FRAS1: variants seen among roughly 807,000 people sequenced by gnomAD.
FRAS1 encodes Fraser extracellular matrix complex subunit 1, also known as extracellular matrix organizing protein FRAS1.
In FRAS1, 290 loss-of-function variants were observed where a neutral mutation model predicts 435.2. The observed-to-expected ratio is 0.67, with a 90% confidence interval of 0.61 to 0.73. The LOEUF (loss-of-function observed/expected upper bound fraction) is 0.73, where lower values mean the gene tolerates loss of function less well. FRAS1 is among the 30% of genes least tolerant of loss of function. The probability of loss-of-function intolerance (pLI) is 0.00; values close to 1 mark genes in which losing one functional copy is unlikely to be tolerated. For missense variants in FRAS1, 4,860 were observed against 5,001.5 expected, an observed-to-expected ratio of 0.97 and a Z score of 0.85; for synonymous variants, 1,800 against 1,851.0, an observed-to-expected ratio of 0.97 and a Z score of 0.71.
At chr4:78,384,805 G>T (rs1166205476) in intron 28 of FRAS1, among the ~76,000 whole-genome samples, 1 of 151,318 alleles carries the variant, frequency 6.6e-6, no homozygotes, top group East Asian at 1.9e-4. Context: ...TACTTGGGGA[G>T]CTGAGGTGGG....
intron 5 of FRAS1, among the ~76,000 whole-genome samples, chr4:78,253,065 G>A (rs866103463): frequency 5.9e-5 from 9 of 152,044 alleles, no homozygotes; most frequent in Admixed American, 1.3e-4. Flanking sequence ...AGTCCTTATC[G>A]CAACCACATA....
intron 22 of FRAS1, among the ~76,000 whole-genome samples, chr4:78,366,867 C>T (rs977358895): frequency 2.0e-5 from 3 of 152,092 alleles, no homozygotes; most frequent in Non-Finnish European, 2.9e-5. Flanking sequence ...ACCCGAGGGA[C>T]GTTGGTACCT....
chr4:78,522,617 A>G, intron 68 of FRAS1, 32 bp from the exon 69 acceptor site: 1 of 1,558,774 alleles, frequency 6.4e-7, no homozygotes, highest in East Asian at 2.3e-5. Context: ...TACCACAAGT[A>G]CATTAAATGC....
intron 2 of FRAS1, among the ~76,000 whole-genome samples, chr4:78,103,313 C>G (rs1467871294): frequency 6.6e-6 from 1 of 152,162 alleles, no homozygotes; most frequent in African/African-American, 2.4e-5. Context: ...TACCTGGAAT[C>G]TCAAGAACTG....
In FRAS1 at chr4:78,137,795, G is replaced by C. The variant is rs190830697; in HGVS notation, c.108+71779G>C. On this transcript the variant is annotated intron_variant, in intron 2 of 73. Coordinates refer to ENST00000512123, the MANE Select transcript of FRAS1 (RefSeq NM_025074.7). The stretch of plus-strand genomic sequence containing the variant: ...CACTGGGTTCTAAGCCTGTCTCTGT[G>C]TCACCTTGGACACATTACTAAGGCT... Among the ~76,000 whole-genome samples the C allele has an allele frequency of 3.3e-5, 5 of 152,320 alleles. No individual in the cohort carries two copies. The East Asian group carries it at 9.6e-4, about 29-fold the overall frequency.
At chr4:78,327,198 C>T (rs892851488) in intron 18 of FRAS1, among the ~76,000 whole-genome samples, 9 of 151,924 alleles carry the variant, frequency 5.9e-5, no homozygotes, top group East Asian at 3.9e-4. Flanking sequence ...CTCCAGCCTG[C>T]GTGCCAGAGC....
At chr4:78,100,943 T>A (rs1231145925) in intron 2 of FRAS1, among the ~76,000 whole-genome samples, 1 of 152,204 alleles carries the variant, frequency 6.6e-6, no homozygotes, top group Non-Finnish European at 1.5e-5. Flanking sequence ...CACCTTATGC[T>A]AGTGCAAGTC....
rs140774781 is a variant in FRAS1, at chr4:78,363,757, T to G, written c.2575+92T>G. The G allele has an allele frequency of 7.2e-4, 1,050 of 1,457,270 alleles. 8 individuals carry two copies. The African/African-American group carries it at 0.012, about 17-fold the overall frequency. The allele number at this position is 1,457,270 out of a possible 1,614,324, so 90.3% of individuals were successfully genotyped here. On this transcript the variant is annotated intron_variant, in intron 21 of 73. Transcript: ENST00000512123. ...AGGATCAACCTTTCCTAAGAGAGAG[T>G]GGAGGCAGGAAGTGTAAACCACTTC...
At chr4:78,181,772 T>G in intron 2 of FRAS1, 2 of 1,610,878 alleles carry the variant, frequency 1.2e-6, no homozygotes, top group Non-Finnish European at 1.7e-6. Flanking sequence ...CGTCTCCTCT[T>G]TCTTGTCAAC....
At chr4:78,463,195 G>C (rs555115983) in intron 47 of FRAS1, among the ~76,000 whole-genome samples, 5 of 152,236 alleles carry the variant, frequency 3.3e-5, no homozygotes, top group African/African-American at 9.6e-5. Flanking sequence ...AAGTTGTTTT[G>C]CTAAATGTTG....
chr4:78,278,737 G>T lies in FRAS1; in HGVS notation c.1064G>T (p.Gly355Val). The T allele has an allele frequency of 6.4e-7, 1 of 1,563,142 alleles. No individual in the cohort carries two copies. The highest frequency in any genetic ancestry group is 1.1e-5 in the South Asian group (1 of 88,994). The change falls in exon 10 of 74, where the codon GGA becomes GTA. Residue 355 changes from glycine to valine, a missense_variant. Transcript: ENST00000512123. Reference protein sequence around the residue: ...RNGYCVYEETGEFMSSNASEV... With the variant: ...RNGYCVYEETVEFMSSNASEV... ...GGTTATTGTGTTTATGAAGAAACTG[G>T]AGAATTTGTGAGTATCAGGCTTATA... is the stretch of plus-strand genomic sequence containing the variant.
At chr4:78,420,894 A>ATATATATG (rs1733756982) in intron 33 of FRAS1, among the ~76,000 whole-genome samples, 1 of 51,428 alleles carries the variant, frequency 1.9e-5, no homozygotes, top group African/African-American at 5.4e-5. Flanking sequence ...ATATATATAT[A>ATATATATG]TATATATATA....
At chr4:78,416,167 T>C (rs1343046943) in intron 32 of FRAS1, among the ~76,000 whole-genome samples, 3 of 152,254 alleles carry the variant, frequency 2.0e-5, no homozygotes, top group East Asian at 3.9e-4. Context: ...TAAGACATTA[T>C]GATAAGTAAA....
chr4:78,265,525 C>A (rs1484412735), intron 7 of FRAS1, among the ~76,000 whole-genome samples: 1 of 152,068 alleles, frequency 6.6e-6, no homozygotes, highest in East Asian at 1.9e-4. Context: ...GAAAACCTGG[C>A]GGTGGTAGAA....
intron 2 of FRAS1, among the ~76,000 whole-genome samples, chr4:78,113,032 G>C (rs1002433807): frequency 6.6e-6 from 1 of 152,004 alleles, no homozygotes; most frequent in Non-Finnish European, 1.5e-5. Context: ...CTATGTCCAT[G>C]TGTTCTCATT....
chr4:78,522,746 A>T lies in FRAS1; in HGVS notation c.10746A>T (p.Leu3582Phe), dbSNP rs908557625. ...GAATTGAATTTGACTTGCAGCTATT[A>T]TGGAGCGCTCAGACTTTTGATTCTC... is the stretch of plus-strand genomic sequence containing the variant. ...LGGIEFDLQL[L>F]WSAQTFDSPH... Residue 3582 changes from leucine (L) to phenylalanine (F), a missense_variant, in exon 69 of 74, where the codon TTA becomes TTT. Leu to Phe is a conservative substitution (Grantham distance 22, BLOSUM62 0). Coordinates refer to ENST00000512123, the MANE Select transcript of FRAS1 (RefSeq NM_025074.7). 6.2e-7 allele frequency: 1 copy of T among 1,612,594 alleles called. No individual in the cohort carries two copies. The highest frequency in any genetic ancestry group is 8.5e-7 in the Non-Finnish European group (1 of 1,179,272).
intron 31 of FRAS1, among the ~76,000 whole-genome samples, chr4:78,408,766 C>G (rs1733200784): frequency 6.6e-6 from 1 of 152,050 alleles, no homozygotes; most frequent in East Asian, 1.9e-4. Flanking sequence ...TTGTTATTAC[C>G]ATTTATAAAA....
chr4:78,112,215 A>G (rs942263560), intron 2 of FRAS1, among the ~76,000 whole-genome samples: 20 of 152,150 alleles, frequency 1.3e-4, no homozygotes, highest in Non-Finnish European at 2.8e-4. Context: ...AAAAGTAATA[A>G]CATTATTTTA....
intron 14 of FRAS1, among the ~76,000 whole-genome samples, chr4:78,303,640 T>C (rs916726902): frequency 7.9e-5 from 12 of 152,214 alleles, no homozygotes; most frequent in Admixed American, 2.0e-4. Flanking sequence ...GTTCACCCAT[T>C]ATTTGGCTCT....
Sources: allele counts gnomAD v4.1 joint callset (sites outside exome capture counted in the v4.1 genomes callset), GRCh38; gene constraint gnomAD v4.1.1; transcripts MANE v1.5; gene names NCBI Gene and HGNC (gene_info 2026-07-23, HGNC 2026-07-21).